Variants in GALR1 observed in about 807,000 individuals in gnomAD.
GALR1 encodes galanin receptor 1.
GALR1 carries 11 observed loss-of-function variants against 17.9 expected under a neutral mutation model. The ratio of observed to expected loss-of-function variants is 0.62; its 90% CI spans 0.39 to 1.02. GALR1 has a LOEUF of 1.02. Among genes scored for constraint, GALR1 ranks in the 50% least tolerant of loss-of-function variants. The pLI is 0.01. For missense variants in GALR1, 441 were observed against 456.9 expected, an observed-to-expected ratio of 0.97 and a Z score of 0.32; for synonymous variants, 206 against 205.7, an observed-to-expected ratio of 1.00 and a Z score of -0.01.
chr18:77,252,871 A>G (rs1912456245), intron 1 of GALR1, among the ~76,000 whole-genome samples: 3 of 129,882 alleles, frequency 2.3e-5, no homozygotes, highest in Non-Finnish European at 4.9e-5. Context: ...CACCACCACC[A>G]CCACCACCAT....
chr18:77,255,971 G>T (rs1472336220), intron 1 of GALR1, among the ~76,000 whole-genome samples, 187 bp from the exon 2 acceptor site: 1 of 152,174 alleles, frequency 6.6e-6, no homozygotes, highest in African/African-American at 2.4e-5. Context: ...CTGCTCCTAA[G>T]TGTTAGAAAA....
rs1393799284 is a variant in GALR1, at chr18:77,274,299, G to A, written c.*5397G>A. ...CTGGGCCCAACATAGAACTTTTCCA[G>A]TATGGTGAGCATCAAAGTAGGCAGA... On this transcript the variant is annotated 3_prime_UTR_variant, in exon 3 of 3. Coordinates refer to ENST00000299727, the MANE Select transcript of GALR1 (RefSeq NM_001480.4). The A allele has an allele frequency of 6.6e-6, 1 of 152,066 alleles. No homozygotes were observed. The highest frequency in any genetic ancestry group is 1.5e-5 in the Non-Finnish European group (1 of 68,040). 9.4% of individuals were successfully genotyped at this position (152,066 alleles called of 1,614,324 possible). A position where few individuals can be genotyped will look rare whatever the true frequency, so the allele number is the denominator to read the frequency against.
chr18:77,253,455 A>T (rs574505518), intron 1 of GALR1, among the ~76,000 whole-genome samples: 1 of 152,320 alleles, frequency 6.6e-6, no homozygotes, highest in African/African-American at 2.4e-5. Context: ...GGAGAACTGA[A>T]GCACACGCTT....
chr18:77,259,005 A>T (rs1274715860), intron 2 of GALR1, among the ~76,000 whole-genome samples: 44 of 53,324 alleles, frequency 8.3e-4, no homozygotes, highest in South Asian at 2.6e-3. Flanking sequence ...TGGTGGTCAC[A>T]GTGGTGGTGG....
Position 77,270,935 on chromosome 18 carries a change from C to T in GALR1, c.*2033C>T, listed in dbSNP as rs796123091. On this transcript the variant is annotated 3_prime_UTR_variant, in exon 3 of 3. Coordinates refer to ENST00000299727, the MANE Select transcript of GALR1 (RefSeq NM_001480.4). ...ATGATACTTCCTGTGATTTGTGGAACTTGAAGTTGCTGTTGCAAACTCCAG... is the reference window on the plus strand; with the variant it reads ...ATGATACTTCCTGTGATTTGTGGAATTTGAAGTTGCTGTTGCAAACTCCAG... 3.9e-5 allele frequency: 6 copies of T among 152,132 alleles called. No individual in the cohort carries two copies. In the South Asian group the frequency reaches 6.2e-4, roughly 16 times the overall value. 9.4% of individuals were successfully genotyped at this position (152,132 alleles called of 1,614,324 possible).
Position 77,273,953 on chromosome 18 carries a change from A to T in GALR1, c.*5051A>T, listed in dbSNP as rs1245465901. 1 of 152,182 alleles carries T rather than the reference A, an allele frequency of 6.6e-6. No individual in the cohort carries two copies. Among genetic ancestry groups the T allele is most frequent in the Non-Finnish European group, 1.5e-5 (1 of 68,054 alleles). 9.4% of individuals were successfully genotyped at this position (152,182 alleles called of 1,614,324 possible). ...ATGGAATGGACTGGAACTGAGCTCC[A>T]CTGTTTAAATTTTTGACTCTCAGGT... On this transcript the variant is annotated 3_prime_UTR_variant, in exon 3 of 3. Coordinates refer to ENST00000299727, the MANE Select transcript of GALR1 (RefSeq NM_001480.4).
chr18:77,264,226 C>G (rs7243204), intron 2 of GALR1, among the ~76,000 whole-genome samples: 83,102 of 150,544 alleles, frequency 0.55, 25,933 homozygotes, highest in Non-Finnish European at 0.7. Flanking sequence ...TCCCACTGCC[C>G]TGTGATAGTC....
At position 77,272,622 on chromosome 18, in the gene GALR1, C is replaced by G. The variant is rs1241440912; in HGVS notation, c.*3720C>G. 6.6e-6 allele frequency: 1 copy of G among 152,176 alleles called. No individual in the cohort carries two copies. Among genetic ancestry groups the G allele is most frequent in the African/African-American group, 2.4e-5 (1 of 41,438 alleles). The allele number at this position is 152,176 out of a possible 1,614,324, so 9.4% of individuals were successfully genotyped here. On this transcript the variant is annotated 3_prime_UTR_variant, in exon 3 of 3. Coordinates refer to ENST00000299727, the MANE Select transcript of GALR1 (RefSeq NM_001480.4). ...TAATCTTCACTGTTGCACATATTTT[C>G]CATGTCTTAAATTTGTAAGTGGGTT...
intron 1 of GALR1, among the ~76,000 whole-genome samples, chr18:77,254,894 G>A (rs1368509419): frequency 6.6e-6 from 1 of 152,166 alleles, no homozygotes; most frequent in East Asian, 1.9e-4. Flanking sequence ...TTTCGGTAGG[G>A]GAGAGAATTT....
intron 2 of GALR1, among the ~76,000 whole-genome samples, chr18:77,263,349 C>T (rs1912874747): frequency 1.3e-5 from 2 of 152,168 alleles, no homozygotes; most frequent in Non-Finnish European, 2.9e-5. Flanking sequence ...AGCTTGTACC[C>T]TGTAAAACCC....
At position 77,272,478 on chromosome 18, in the gene GALR1, T is replaced by C. The variant is rs1449405555; in HGVS notation, c.*3576T>C. ...AATAACCTATTGGGCAGCTTCATCA[T>C]GTTCTTGCTTTAAATGATTTATCAA... On this transcript the variant is annotated 3_prime_UTR_variant, in exon 3 of 3. Coordinates refer to ENST00000299727, the MANE Select transcript of GALR1 (RefSeq NM_001480.4). 6.6e-6 allele frequency: 1 copy of C among 152,276 alleles called. No individual in the cohort carries two copies. The highest frequency in any genetic ancestry group is 1.5e-5 in the Non-Finnish European group (1 of 68,052). 9.4% of individuals were successfully genotyped at this position (152,276 alleles called of 1,614,324 possible). A position where few individuals can be genotyped will look rare whatever the true frequency, so the allele number is the denominator to read the frequency against.
intron 2 of GALR1, among the ~76,000 whole-genome samples, chr18:77,258,626 G>GGTC (rs1912664474): frequency 1.6e-5 from 2 of 128,624 alleles, no homozygotes; most frequent in African/African-American, 6.1e-5. Context: ...TGGTGGTGGT[G>GGTC]ATGGTGGTGA....
chr18:77,274,235 A>G lies in GALR1; in HGVS notation c.*5333A>G, dbSNP rs929832710. On this transcript the variant is annotated 3_prime_UTR_variant, in exon 3 of 3. Transcript: ENST00000299727. ...CCAAGGTGTCACATAATGGAGAAAAATGCAGATGGTCCTGTGGCTGGTGTG... is the reference window on the plus strand; with the variant it reads ...CCAAGGTGTCACATAATGGAGAAAAGTGCAGATGGTCCTGTGGCTGGTGTG... The G allele has an allele frequency of 1.3e-5, 2 of 152,002 alleles. No homozygotes were observed. Among genetic ancestry groups the G allele is most frequent in the African/African-American group, 4.8e-5 (2 of 41,384 alleles). The allele number at this position is 152,002 out of a possible 1,614,324, so 9.4% of individuals were successfully genotyped here.
chr18:77,258,660 G>GTGGTGT (rs1912671408), intron 2 of GALR1, among the ~76,000 whole-genome samples: 1 of 140,294 alleles, frequency 7.1e-6, no homozygotes, highest in Non-Finnish European at 1.6e-5. Flanking sequence ...CATAGTGGTG[G>GTGGTGT]TGGTGGTGGT....
intron 2 of GALR1, among the ~76,000 whole-genome samples, chr18:77,259,390 TTGGTGG>T (rs1422145764): frequency 1.5e-5 from 2 of 133,258 alleles, no homozygotes; most frequent in Admixed American, 1.5e-4. Flanking sequence ...GGTGTTGGTG[TTGGTGG>T]TGGTCATGGT....
intron 2 of GALR1, among the ~76,000 whole-genome samples, chr18:77,258,878 ATGGTGGT>A (rs1912706481): frequency 2.8e-5 from 1 of 35,764 alleles, no homozygotes; most frequent in South Asian, 1.0e-3. Context: ...GGTGGTGATG[ATGGTGGT>A]CATAGTGGTG....
In GALR1 at chr18:77,273,650, T is replaced by C. The variant is rs1352152760; in HGVS notation, c.*4748T>C. ...AACTCTGTCTCAAAAAAATAAAAATTAAAAAAAAAAAAGAAGGTGGCCAGT... is the reference window on the plus strand; with the variant it reads ...AACTCTGTCTCAAAAAAATAAAAATCAAAAAAAAAAAAGAAGGTGGCCAGT... On this transcript the variant is annotated 3_prime_UTR_variant, in exon 3 of 3. Coordinates refer to ENST00000299727, the MANE Select transcript of GALR1 (RefSeq NM_001480.4). 7.0e-6 allele frequency: 1 copy of C among 142,936 alleles called. No individual in the cohort carries two copies. The highest frequency in any genetic ancestry group is 2.2e-4 in the South Asian group (1 of 4,490). The allele number at this position is 142,936 out of a possible 1,614,324, so 8.9% of individuals were successfully genotyped here. A position where few individuals can be genotyped will look rare whatever the true frequency, so the allele number is the denominator to read the frequency against.
chr18:77,261,989 A>T (rs1912840135), intron 2 of GALR1, among the ~76,000 whole-genome samples: 1 of 152,048 alleles, frequency 6.6e-6, no homozygotes. Context: ...GCACCCGGCT[A>T]AGTTATTTGA....
intron 1 of GALR1, among the ~76,000 whole-genome samples, chr18:77,252,498 C>A (rs556226136): frequency 6.6e-6 from 1 of 152,228 alleles, no homozygotes; most frequent in Non-Finnish European, 1.5e-5. Flanking sequence ...TTTCCCCCCA[C>A]CTATTTCATC....
Sources: allele counts gnomAD v4.1 joint callset (sites outside exome capture counted in the v4.1 genomes callset), GRCh38; gene constraint gnomAD v4.1.1; transcripts MANE v1.5; gene names NCBI Gene and HGNC (gene_info 2026-07-23, HGNC 2026-07-21).